DLG2: variants seen among roughly 807,000 people sequenced by gnomAD.
The protein encoded by DLG2 is discs large MAGUK scaffold protein 2, also known as disks large homolog 2.
Under a neutral mutation model 132.5 loss-of-function variants are expected in DLG2, and 45 were observed. The ratio of observed to expected loss-of-function variants is 0.34; its 90% confidence interval spans 0.27 to 0.44. The LOEUF is 0.44. DLG2 is among the 20% of genes least tolerant of loss of function. The probability of loss-of-function intolerance (pLI) is 1.00; values close to 1 mark genes in which losing one functional copy is unlikely to be tolerated. For missense variants in DLG2, 1,045 were observed against 1,196.9 expected (o/e 0.87, Z 1.87); for synonymous variants, 424 against 419.6 (o/e 1.01, Z -0.13).
At chr11:83,675,999 G>A (rs2077621063) in intron 18 of DLG2, among the ~76,000 whole-genome samples, 1 of 152,104 alleles carries the variant, frequency 6.6e-6, no homozygotes, top group Admixed American at 6.6e-5. Flanking sequence ...ATGGCTGCTG[G>A]ATGCTTTTCC....
intron 10 of DLG2, among the ~76,000 whole-genome samples, chr11:84,075,585 A>T (rs1340016271): frequency 6.6e-6 from 1 of 152,194 alleles, no homozygotes; most frequent in Non-Finnish European, 1.5e-5. Context: ...ATTTATACCT[A>T]TAATTATTGG....
At chr11:84,552,901 C>T (rs951847030) in intron 6 of DLG2, among the ~76,000 whole-genome samples, 2 of 152,180 alleles carry the variant, frequency 1.3e-5, no homozygotes, top group African/African-American at 4.8e-5. Context: ...GAATAAAACG[C>T]ACGCACTTTG....
At chr11:83,940,438 G>A (rs75080195) in intron 14 of DLG2, among the ~76,000 whole-genome samples, 2,716 of 152,130 alleles carry the variant, frequency 0.018, 89 homozygotes, top group African/African-American at 0.061. Flanking sequence ...TTATATACCC[G>A]ATGTTATTAA....
intron 8 of DLG2, among the ~76,000 whole-genome samples, chr11:84,242,924 C>A (rs1276834268): frequency 6.7e-6 from 1 of 149,778 alleles, no homozygotes; most frequent in Non-Finnish European, 1.5e-5. Flanking sequence ...TGAAAATAGT[C>A]AACTTAAAAA....
intron 18 of DLG2, among the ~76,000 whole-genome samples, chr11:83,785,930 T>C (rs971659189): frequency 4.6e-5 from 7 of 152,242 alleles, no homozygotes; most frequent in African/African-American, 7.2e-5. Context: ...TCCTCTTCTT[T>C]TTTTAATAAC....
intron 6 of DLG2, among the ~76,000 whole-genome samples, chr11:84,964,455 T>G (rs990265698): frequency 1.3e-5 from 2 of 152,084 alleles, no homozygotes; most frequent in African/African-American, 4.8e-5. Flanking sequence ...AAAGCTATAA[T>G]GTAGCCACTA....
In DLG2 at chr11:84,065,939, A is replaced by G. The variant is rs115470459; in HGVS notation, c.750-6455T>C. On this transcript the variant is annotated intron_variant, in intron 10 of 27. Coordinates refer to ENST00000376104, the MANE Select transcript of DLG2 (RefSeq NM_001142699.3). ...AGCAACACAGATGGAGCTGCAGGCC[A>G]TTATCCTAAGCAATCTAACACAGGA... is the stretch of plus-strand genomic sequence containing the variant. 7.9e-3 allele frequency among the ~76,000 whole-genome samples: 1,201 copies of G among 152,286 alleles called. 10 individuals carry two copies. The highest frequency in any genetic ancestry group is 0.028 in the African/African-American group (1,143 of 41,550).
intron 9 of DLG2, among the ~76,000 whole-genome samples, chr11:84,109,379 T>TA (rs1167511957): frequency 6.6e-6 from 1 of 152,174 alleles, no homozygotes; most frequent in Non-Finnish European, 1.5e-5. Context: ...TAAGGAGCGA[T>TA]ATGACAAATG....
At chr11:84,050,524 G>A (rs941229843) in intron 11 of DLG2, among the ~76,000 whole-genome samples, 2 of 151,820 alleles carry the variant, frequency 1.3e-5, no homozygotes, top group Admixed American at 1.3e-4. Context: ...TTAGTTTAAT[G>A]AGATCCCATT....
intron 14 of DLG2, among the ~76,000 whole-genome samples, chr11:83,933,561 T>A (rs1240154862): frequency 6.6e-6 from 1 of 152,238 alleles, no homozygotes; most frequent in Non-Finnish European, 1.5e-5. Flanking sequence ...ATCTCTCTTT[T>A]CTCTGAACTC....
chr11:84,744,499 T>G (rs535737713), intron 6 of DLG2, among the ~76,000 whole-genome samples: 2 of 152,072 alleles, frequency 1.3e-5, no homozygotes, highest in Non-Finnish European at 2.9e-5. Context: ...AACTCTTCAG[T>G]TCTGACTGCA....
rs189024892 is a variant in DLG2 at position 83,545,972 on chromosome 11, C to T, written c.1941-4114G>A. 6.1e-4 allele frequency among the ~76,000 whole-genome samples: 93 copies of T among 152,274 alleles called. 1 individual carries two copies. Among genetic ancestry groups the T allele is most frequent in the Admixed American group, 3.3e-3 (50 of 15,282 alleles). On this transcript the variant is annotated intron_variant, in intron 19 of 27. Transcript: ENST00000376104. ...TGCTTTATGTGTTAATTCATCACAG[C>T]AACTTTTATAAAATGCCATTAAGAC...
intron 3 of DLG2, among the ~76,000 whole-genome samples, chr11:85,395,815 G>A (rs570853795): frequency 2.6e-5 from 4 of 152,322 alleles, no homozygotes; most frequent in South Asian, 4.1e-4. Context: ...TGCCTCTATC[G>A]ATTCCACTTC....
intron 7 of DLG2, among the ~76,000 whole-genome samples, chr11:84,318,636 T>C (rs1472618147): frequency 6.6e-6 from 1 of 152,198 alleles, no homozygotes; most frequent in Non-Finnish European, 1.5e-5. Flanking sequence ...CTTAAAAATC[T>C]TGAAAGTAAG....
At chr11:84,303,751 TAAAC>T (rs2098183784) in intron 7 of DLG2, among the ~76,000 whole-genome samples, 1 of 151,944 alleles carries the variant, frequency 6.6e-6, no homozygotes, top group African/African-American at 2.4e-5. Flanking sequence ...ACAAAACAAA[TAAAC>T]AAAGGAAACA....
intron 14 of DLG2, among the ~76,000 whole-genome samples, chr11:83,961,490 A>C (rs2154155872): frequency 6.6e-6 from 1 of 152,190 alleles, no homozygotes; most frequent in South Asian, 2.1e-4. Flanking sequence ...TGTGACCATA[A>C]GCAAGTTCCA....
At chr11:85,290,366 G>A (rs1001990689) in intron 3 of DLG2, among the ~76,000 whole-genome samples, 1 of 152,024 alleles carries the variant, frequency 6.6e-6, no homozygotes, top group Non-Finnish European at 1.5e-5. Flanking sequence ...TGGGGACATG[G>A]GGCCTGAATT....
rs182575166 is a variant in DLG2 at position 84,012,067 on chromosome 11, T to C, written c.920-31425A>G. On this transcript the variant is annotated intron_variant, in intron 11 of 27. Coordinates refer to ENST00000376104, the MANE Select transcript of DLG2 (RefSeq NM_001142699.3). ...GGATATTCTCTGTGAGACTTACATA[T>C]ATAGAAAATAACAAAACAGATTTCC... Among the ~76,000 whole-genome samples the C allele has an allele frequency of 7.9e-5, 12 of 152,248 alleles. No homozygotes were observed. In the East Asian group the frequency reaches 2.1e-3, roughly 27 times the overall value.
At chr11:84,064,537 A>G (rs1043121076) in intron 10 of DLG2, among the ~76,000 whole-genome samples, 1 of 152,212 alleles carries the variant, frequency 6.6e-6, no homozygotes, top group African/African-American at 2.4e-5. Context: ...ATCTGAAAAT[A>G]GGGATAATGA....
Sources: allele counts gnomAD v4.1 joint callset (sites outside exome capture counted in the v4.1 genomes callset), GRCh38; gene constraint gnomAD v4.1.1; transcripts MANE v1.5; gene names NCBI Gene and HGNC (gene_info 2026-07-23, HGNC 2026-07-21).